SLITRK1: variants seen among roughly 807,000 people sequenced by gnomAD.
The protein encoded by SLITRK1 is SLIT and NTRK like family member 1.
A neutral mutation model predicts 42.4 loss-of-function variants in SLITRK1; 10 were observed. The observed-to-expected ratio is 0.24, with a 90% CI of 0.15 to 0.40. SLITRK1 has a LOEUF of 0.40. SLITRK1 is among the 10% of genes least tolerant of loss of function. The probability of loss-of-function intolerance (pLI) is 1.00; values close to 1 mark genes in which losing one functional copy is unlikely to be tolerated. For missense variants in SLITRK1, 778 were observed against 848.8 expected, an observed-to-expected ratio of 0.92 and a Z score of 1.04; for synonymous variants, 389 against 365.7, an observed-to-expected ratio of 1.06 and a Z score of -0.73.
Position 83,882,254 on chromosome 13 carries a change from T to A in SLITRK1, c.-304A>T, listed in dbSNP as rs1400374001. On this transcript the variant is annotated 5_prime_UTR_variant, in exon 1 of 2. Transcript: ENST00000674365. ...TCCCCTTCGGTCCTCTTAAGGCTTTTTTTTTTCTTTTCTGTGCTCTCGCTC... is the reference window on the plus strand; with the variant it reads ...TCCCCTTCGGTCCTCTTAAGGCTTTATTTTTTCTTTTCTGTGCTCTCGCTC... 1 of 166,606 alleles carries A rather than the reference T, an allele frequency of 6.0e-6. No individual in the cohort carries two copies. Among genetic ancestry groups the A allele is most frequent in the African/African-American group, 2.4e-5 (1 of 41,370 alleles). The allele number at this position is 166,606 out of a possible 1,614,324, so 10.3% of individuals were successfully genotyped here. A position where few individuals can be genotyped will look rare whatever the true frequency, so the allele number is the denominator to read the frequency against.
chr13:83,879,973 G>A lies in SLITRK1; in HGVS notation c.1535C>T (p.Ala512Val), dbSNP rs1384209342. The A allele has an allele frequency of 3.7e-6, 6 of 1,613,944 alleles. No homozygotes were observed. Among genetic ancestry groups the A allele is most frequent in the African/African-American group, 1.3e-5 (1 of 74,884 alleles). ...GGAGGTTAACTGGTCCAGCACCCCTGCCACCGGGAGGTACATGAAGTAATT... is the reference window on the plus strand; with the variant it reads ...GGAGGTTAACTGGTCCAGCACCCCTACCACCGGGAGGTACATGAAGTAATT... ...HNNYFMYLPV[A>V]GVLDQLTSII... Residue 512 changes from alanine (A) to valine (V), a missense_variant, in exon 2 of 2, where the codon GCA (alanine) becomes GTA (valine). Transcript: ENST00000674365.
rs750996810 is a variant in SLITRK1, at chr13:83,879,441, A to G, written c.2067T>C (p.Cys689=). Residue 689 remains cysteine, a synonymous_variant, in exon 2 of 2, where the codon TGT becomes TGC. Transcript: ENST00000674365. ...CTTAGTCTGAGAGCGAGTGAGAGCC[A>G]CAGTCATACACTCTGTGGGCCCCAT... is the stretch of plus-strand genomic sequence containing the variant. ...NADGAHRVYD[C]GSHSLSD The G allele has an allele frequency of 3.1e-6, 5 of 1,613,616 alleles. No individual in the cohort carries two copies. The highest frequency in any genetic ancestry group is 4.2e-6 in the Non-Finnish European group (5 of 1,180,030).
In SLITRK1 at chr13:83,879,351, C is replaced by T. The variant is rs1026810932; in HGVS notation, c.*66G>A. 4 of 1,596,492 alleles carry T rather than the reference C, an allele frequency of 2.5e-6. No homozygotes were observed. The highest frequency in any genetic ancestry group is 2.6e-6 in the Non-Finnish European group (3 of 1,173,776). ...TTTGGGTACACGCCCCTCCAGCCCC[C>T]GGGGTGCCTGCGGTGGGGAAGGATG... On this transcript the variant is annotated 3_prime_UTR_variant, in exon 2 of 2. Coordinates refer to ENST00000674365, the MANE Select transcript of SLITRK1 (RefSeq NM_001281503.2).
chr13:83,878,027 A>G lies in SLITRK1; in HGVS notation c.*1390T>C, dbSNP rs1232434936. 1 of 137,484 alleles carries G rather than the reference A, an allele frequency of 7.3e-6. No homozygotes were observed. The highest frequency in any genetic ancestry group is 7.4e-5 in the Admixed American group (1 of 13,560). The allele number at this position is 137,484 out of a possible 1,614,324, so 8.5% of individuals were successfully genotyped here. ...CCTTTATGGACTGGGGAAAGCCGGT[A>G]AAGTCTGAGCGAAGGTGGGGGTGGG... On this transcript the variant is annotated 3_prime_UTR_variant, in exon 2 of 2. Coordinates refer to ENST00000674365, the MANE Select transcript of SLITRK1 (RefSeq NM_001281503.2).
rs779135188 is a variant in SLITRK1, at chr13:83,880,597, G to A, written c.911C>T (p.Ala304Val). The A allele has an allele frequency of 6.8e-6, 11 of 1,614,028 alleles. No homozygotes were observed. The Admixed American group carries it at 1.8e-4, about 27-fold the overall frequency. ...GQEDHATPGS[A>V]PNGGTKIPGN... ...TGGGATCTTTGTACCTCCGTTTGGAGCAGACCCTGGTGTGGCATGATCCTC... is the reference window on the plus strand; with the variant it reads ...TGGGATCTTTGTACCTCCGTTTGGAACAGACCCTGGTGTGGCATGATCCTC... Residue 304 changes from alanine to valine, a missense_variant, in exon 2 of 2, where the codon GCT becomes GTT. Around this residue, in one of 4 missense-constraint regions of SLITRK1, gnomAD observed 395 missense variants for 360.4 expected, o/e 1.10. Coordinates refer to ENST00000674365, the MANE Select transcript of SLITRK1 (RefSeq NM_001281503.2).
Position 83,880,671 on chromosome 13 carries a change from C to G in SLITRK1, c.837G>C (p.Glu279Asp). Residue 279 changes from glutamate to aspartate, a missense_variant, in exon 2 of 2, where the codon GAG (glutamate) becomes GAC (aspartate). Around this residue, in one of 4 missense-constraint regions of SLITRK1, gnomAD observed 395 missense variants for 360.4 expected, o/e 1.10. Coordinates refer to ENST00000674365, the MANE Select transcript of SLITRK1 (RefSeq NM_001281503.2). ...TTGGCAGGGGTCCAGGAGCAAAGGT[C>G]TCTTCTTGGGCAGGGGGCGCCGGGA... is the stretch of plus-strand genomic sequence containing the variant. ...SSLPAPPAQE[E>D]TFAPGPLPTP... The G allele has an allele frequency of 6.2e-7, 1 of 1,614,082 alleles. No homozygotes were observed. Among genetic ancestry groups the G allele is most frequent in the Non-Finnish European group, 8.5e-7 (1 of 1,180,022 alleles).
rs1884755975 is a variant in SLITRK1 at position 83,879,343 on chromosome 13, C to G, written c.*74G>C. 6 of 1,587,236 alleles carry G rather than the reference C, an allele frequency of 3.8e-6. No homozygotes were observed. The highest frequency in any genetic ancestry group is 5.1e-6 in the Non-Finnish European group (6 of 1,168,052). On this transcript the variant is annotated 3_prime_UTR_variant, in exon 2 of 2. Coordinates refer to ENST00000674365, the MANE Select transcript of SLITRK1 (RefSeq NM_001281503.2). ...CGCGGGGATTTGGGTACACGCCCCT[C>G]CAGCCCCCGGGGTGCCTGCGGTGGG...
At position 83,879,987 on chromosome 13, in the gene SLITRK1, C is replaced by T; in HGVS notation, c.1521G>A (p.Met507Ile). The T allele has an allele frequency of 2.5e-6, 4 of 1,613,998 alleles. No individual in the cohort carries two copies. Among genetic ancestry groups the T allele is most frequent in the Non-Finnish European group, 3.4e-6 (4 of 1,180,020 alleles). Reference sequence around the variant, plus strand: ...CCAGCACCCCTGCCACCGGGAGGTACATGAAGTAATTGTTGTGCAGGCTGA... The same window carrying T: ...CCAGCACCCCTGCCACCGGGAGGTATATGAAGTAATTGTTGTGCAGGCTGA... ...SKLSLHNNYF[M>I]YLPVAGVLDQ... Residue 507 changes from methionine (M) to isoleucine (I), a missense_variant, in exon 2 of 2, where the codon ATG becomes ATA. This residue lies in a region of SLITRK1 where 395 missense variants were observed against 360.4 expected (regional missense o/e 1.10). Coordinates refer to ENST00000674365, the MANE Select transcript of SLITRK1 (RefSeq NM_001281503.2).
Position 83,879,843 on chromosome 13 carries a change from G to A in SLITRK1, c.1665C>T (p.Asp555=), listed in dbSNP as rs367698408. ...ERLGSEVLMS[D]LKCETPVNFF... ...AGTTCACCGGCGTCTCACACTTGAGGTCGCTCATCAGCACTTCGGAACCCA... is the reference window on the plus strand; with the variant it reads ...AGTTCACCGGCGTCTCACACTTGAGATCGCTCATCAGCACTTCGGAACCCA... Residue 555 remains aspartate (D), a synonymous_variant, in exon 2 of 2, where the codon GAC becomes GAT. Transcript: ENST00000674365. 76 of 1,614,028 alleles carry A rather than the reference G, an allele frequency of 4.7e-5. No individual in the cohort carries two copies. Among genetic ancestry groups the A allele is most frequent in the Admixed American group, 1.5e-4 (9 of 60,008 alleles).
At position 83,877,602 on chromosome 13, in the gene SLITRK1, T is replaced by C. The variant is rs1884717225; in HGVS notation, c.*1815A>G. On this transcript the variant is annotated 3_prime_UTR_variant, in exon 2 of 2. Coordinates refer to ENST00000674365, the MANE Select transcript of SLITRK1 (RefSeq NM_001281503.2). ...GGGCCACAACCAGAAATCCGGATGA[T>C]GGGAGAGAAACACTTCTTTAGGATA... is the stretch of plus-strand genomic sequence containing the variant. The C allele has an allele frequency of 7.0e-6, 1 of 142,022 alleles. No individual in the cohort carries two copies. The highest frequency in any genetic ancestry group is 1.5e-5 in the Non-Finnish European group (1 of 67,252). 8.8% of individuals were successfully genotyped at this position (142,022 alleles called of 1,614,324 possible). A position where few individuals can be genotyped will look rare whatever the true frequency, so the allele number is the denominator to read the frequency against.
rs1884792611 is a variant in SLITRK1 at position 83,880,626 on chromosome 13, C to A, written c.882G>T (p.Gly294=). 2 of 1,614,104 alleles carry A rather than the reference C, an allele frequency of 1.2e-6. No homozygotes were observed. Among genetic ancestry groups the A allele is most frequent in the Non-Finnish European group, 8.5e-7 (1 of 1,180,036 alleles). The part of the protein sequence containing the change: ...GPLPTPFKTN[G]QEDHATPGSA... ...ACCCTGGTGTGGCATGATCCTCTTG[C>A]CCATTTGTCTTGAAAGGAGTTGGCA... The change falls in exon 2 of 2, where the codon GGG becomes GGT. Residue 294 remains glycine (G), a synonymous_variant. Coordinates refer to ENST00000674365, the MANE Select transcript of SLITRK1 (RefSeq NM_001281503.2).
chr13:83,880,428 G>C lies in SLITRK1; in HGVS notation c.1080C>G (p.Asn360Lys), dbSNP rs200358682. ...IPGSGLKMNC[N>K]NRNVSSLADL... The stretch of plus-strand genomic sequence containing the variant: ...CAGCCAAGCTGCTCACGTTCCTGTT[G>C]TTGCAGTTCATCTTTAAACCCGACC... The change falls in exon 2 of 2, where the codon AAC (asparagine) becomes AAG (lysine). Residue 360 changes from asparagine to lysine, a missense_variant. Physicochemically the swap from Asn to Lys is moderately conservative, Grantham distance 94. This residue lies in a region of SLITRK1 where 395 missense variants were observed against 360.4 expected (regional missense o/e 1.10). Coordinates refer to ENST00000674365, the MANE Select transcript of SLITRK1 (RefSeq NM_001281503.2). 6.2e-7 allele frequency: 1 copy of C among 1,613,964 alleles called. No homozygotes were observed. Among genetic ancestry groups the C allele is most frequent in the Non-Finnish European group, 8.5e-7 (1 of 1,180,024 alleles).
rs1007961942 is a variant in SLITRK1, at chr13:83,879,038, C to T, written c.*379G>A. 9.6e-6 allele frequency: 2 copies of T among 208,366 alleles called. No individual in the cohort carries two copies. Among genetic ancestry groups the T allele is most frequent in the African/African-American group, 2.3e-5 (1 of 43,334 alleles). The allele number at this position is 208,366 out of a possible 1,614,324, so 12.9% of individuals were successfully genotyped here. On this transcript the variant is annotated 3_prime_UTR_variant, in exon 2 of 2. Transcript: ENST00000674365. ...CCACAGGGGAAAAATAGATATCTAT[C>T]TCTCTATATAGATGTGGATATATGT...
chr13:83,879,752 A>G lies in SLITRK1; in HGVS notation c.1756T>C (p.Ser586Pro), dbSNP rs140314138. The change falls in exon 2 of 2, where the codon TCG (serine) becomes CCG (proline). Residue 586 changes from serine (S) to proline (P), a missense_variant. This residue lies in a region of SLITRK1 where 164 missense variants were observed against 158.2 expected (regional missense o/e 1.04). Coordinates refer to ENST00000674365, the MANE Select transcript of SLITRK1 (RefSeq NM_001281503.2). ...TTACTGTGCGAAGTTAACGTGGGCGAGATCCTAGCGTACAGCTGAGGGCAG... is the reference window on the plus strand; with the variant it reads ...TTACTGTGCGAAGTTAACGTGGGCGGGATCCTAGCGTACAGCTGAGGGCAG... ...EICPQLYARI[S>P]PTLTSHSKNS... The G allele has an allele frequency of 6.1e-5, 99 of 1,614,004 alleles. No individual in the cohort carries two copies. The African/African-American group carries it at 1.3e-3, about 21-fold the overall frequency.
In SLITRK1 at chr13:83,879,701, C is replaced by A. The variant is rs1199936878; in HGVS notation, c.1807G>T (p.Gly603Trp). 1 of 1,613,918 alleles carries A rather than the reference C, an allele frequency of 6.2e-7. No individual in the cohort carries two copies. The highest frequency in any genetic ancestry group is 8.5e-7 in the Non-Finnish European group (1 of 1,179,996). Residue 603 changes from glycine to tryptophan, a missense_variant, in exon 2 of 2, where the codon GGG becomes TGG. By Grantham distance (184) the Gly-to-Trp change is radical. Coordinates refer to ENST00000674365, the MANE Select transcript of SLITRK1 (RefSeq NM_001281503.2). The stretch of plus-strand genomic sequence containing the variant: ...TCTAGGTAGGAGTTGGAGTGCGTCC[C>A]GGTCTCCGCCAACCCAGTGCTGTTT... ...SKNSTGLAETGTHSNSYLDTS... is the reference protein window; with the variant it reads ...SKNSTGLAETWTHSNSYLDTS...
At position 83,880,512 on chromosome 13, in the gene SLITRK1, G is replaced by C. The variant is rs1369698406; in HGVS notation, c.996C>G (p.Asn332Lys). 1.2e-6 allele frequency: 2 copies of C among 1,613,976 alleles called. No homozygotes were observed. Among genetic ancestry groups the C allele is most frequent in the East Asian group, 2.2e-5 (1 of 44,868 alleles). The change falls in exon 2 of 2, where the codon AAC becomes AAG. Residue 332 changes from asparagine (N) to lysine (K), a missense_variant. Asn to Lys is a moderately conservative substitution (Grantham distance 94). This residue lies in a region of SLITRK1 where 395 missense variants were observed against 360.4 expected (regional missense o/e 1.10). Transcript: ENST00000674365. ...TAAIATGSSR[N>K]KPLANSLPCP... is the part of the protein sequence containing the mutation. Reference sequence around the variant, plus strand: ...AGGGTAAACTGTTAGCTAAGGGTTTGTTCCTGGAGCTACCCGTCGCTATCG... The same window carrying C: ...AGGGTAAACTGTTAGCTAAGGGTTTCTTCCTGGAGCTACCCGTCGCTATCG...
At position 83,880,527 on chromosome 13, in the gene SLITRK1, C is replaced by T; in HGVS notation, c.981G>A (p.Thr327=). The T allele has an allele frequency of 6.2e-7, 1 of 1,614,056 alleles. No individual in the cohort carries two copies. The change falls in exon 2 of 2, where the codon ACG becomes ACA. Residue 327 remains threonine (T), a synonymous_variant. Transcript: ENST00000674365. ...IKIRPTAAIA[T]GSSRNKPLAN... ...CTAAGGGTTTGTTCCTGGAGCTACC[C>T]GTCGCTATCGCTGCTGTGGGTCTGA...
Position 83,881,007 on chromosome 13 carries a change from G to A in SLITRK1, c.501C>T (p.Ser167=), listed in dbSNP as rs895610314. ...ACTGGAACACGTTGGCAGGTAGGGT[G>A]CTGATGAGATTGTCATTTAAAATGA... ...EVLILNDNLI[S]TLPANVFQYV... The change falls in exon 2 of 2, where the codon AGC becomes AGT. Residue 167 remains serine (S), a synonymous_variant. Transcript: ENST00000674365. The A allele has an allele frequency of 1.2e-6, 2 of 1,614,058 alleles. No homozygotes were observed. The highest frequency in any genetic ancestry group is 1.7e-6 in the Non-Finnish European group (2 of 1,180,028).
At position 83,880,523 on chromosome 13, in the gene SLITRK1, T is replaced by C. The variant is rs1884789818; in HGVS notation, c.985A>G (p.Ser329Gly). 2.5e-6 allele frequency: 4 copies of C among 1,614,140 alleles called. No individual in the cohort carries two copies. Among genetic ancestry groups the C allele is most frequent in the Non-Finnish European group, 3.4e-6 (4 of 1,180,018 alleles). Reference sequence around the variant, plus strand: ...TTAGCTAAGGGTTTGTTCCTGGAGCTACCCGTCGCTATCGCTGCTGTGGGT... The same window carrying C: ...TTAGCTAAGGGTTTGTTCCTGGAGCCACCCGTCGCTATCGCTGCTGTGGGT... The part of the protein sequence containing the change: ...IRPTAAIATG[S>G]SRNKPLANSL... The change falls in exon 2 of 2, where the codon AGC becomes GGC. Residue 329 changes from serine to glycine, a missense_variant. Physicochemically the swap from Ser to Gly is moderately conservative, Grantham distance 56. Around this residue, in one of 4 missense-constraint regions of SLITRK1, gnomAD observed 395 missense variants for 360.4 expected, o/e 1.10. Coordinates refer to ENST00000674365, the MANE Select transcript of SLITRK1 (RefSeq NM_001281503.2).
Sources: gnomAD v4.1 joint callset for allele counts on GRCh38, gnomAD v4.1.1 for gene constraint, gnomAD v4.1.1 regional missense constraint, MANE v1.5 for transcripts, NCBI Gene and HGNC (gene_info 2026-07-23, HGNC 2026-07-21) for gene names.